The following LNX1 variants were observed in gnomAD, a reference collection of about 807,000 sequenced individuals.
LNX1 encodes E3 ubiquitin-protein ligase LNX.
A neutral mutation model predicts 68.4 loss-of-function variants in LNX1; 54 were observed. The ratio of observed to expected loss-of-function variants is 0.79; its 90% CI spans 0.63 to 0.99. The LOEUF is 0.99. Among genes scored for constraint, LNX1 ranks in the 50% least tolerant of loss-of-function variants. LNX1 has a pLI of 0.00. For synonymous variants in LNX1, 336 were observed against 350.0 expected (o/e 0.96, Z 0.45); for missense variants, 906 against 926.4 (o/e 0.98, Z 0.29).
At chr4:53,574,701 T>C (rs1323232999) in intron 1 of LNX1, among the ~76,000 whole-genome samples, 2 of 152,240 alleles carry the variant, frequency 1.3e-5, no homozygotes, top group African/African-American at 2.4e-5. Flanking sequence ...ATCCCACCAC[T>C]ATGGGCCAAT....
At chr4:53,578,900 G>A (rs1731657281) in intron 1 of LNX1, among the ~76,000 whole-genome samples, 1 of 151,538 alleles carries the variant, frequency 6.6e-6, no homozygotes, top group Non-Finnish European at 1.5e-5. Flanking sequence ...TGGCTCTAAG[G>A]GAAAGAACCA....
intron 1 of LNX1, among the ~76,000 whole-genome samples, 174 bp downstream of exon 1, chr4:53,591,214 T>G (rs566318863): frequency 6.6e-6 from 1 of 152,314 alleles, no homozygotes; most frequent in African/African-American, 2.4e-5. Context: ...ATTGTGCAAC[T>G]AGAATGTCAA....
intron 4 of LNX1, among the ~76,000 whole-genome samples, chr4:53,501,022 C>T (rs1725436658): frequency 6.6e-6 from 1 of 152,050 alleles, no homozygotes; most frequent in African/African-American, 2.4e-5. Flanking sequence ...AAGGACATAC[C>T]ATTCACACTT....
intron 2 of LNX1, among the ~76,000 whole-genome samples, chr4:53,608,954 A>G (rs1300797110): frequency 6.6e-6 from 1 of 152,144 alleles, no homozygotes; most frequent in Admixed American, 6.6e-5. Flanking sequence ...ATCAAGGCCT[A>G]TGTGAGGGTG....
At chr4:53,577,047 G>A (rs1482002294) in intron 1 of LNX1, among the ~76,000 whole-genome samples, 2 of 152,188 alleles carry the variant, frequency 1.3e-5, no homozygotes. Context: ...ACCACAGAAG[G>A]CAAAGATAGA....
At chr4:53,503,729 A>G (rs1725664628) in intron 4 of LNX1, among the ~76,000 whole-genome samples, 1 of 152,212 alleles carries the variant, frequency 6.6e-6, no homozygotes, top group African/African-American at 2.4e-5. Flanking sequence ...TTAGCCCCGA[A>G]CAAGAGAGCC....
intron 6 of LNX1, among the ~76,000 whole-genome samples, chr4:53,491,702 T>A (rs187936701): frequency 6.6e-6 from 1 of 152,296 alleles, no homozygotes; most frequent in Admixed American, 6.5e-5. Flanking sequence ...CACATAGATG[T>A]TCATAATTTG....
At chr4:53,585,540 G>T (rs1482589164) in intron 1 of LNX1, among the ~76,000 whole-genome samples, 17 of 152,162 alleles carry the variant, frequency 1.1e-4, no homozygotes, top group Admixed American at 9.8e-4. Flanking sequence ...ATGAGGTTTA[G>T]GATCTTGAGA....
rs116179143 is a variant in LNX1 at position 53,551,422 on chromosome 4, T to A, written c.380+22201A>T. On this transcript the variant is annotated intron_variant, in intron 2 of 10. Transcript: ENST00000263925. ...CTGAAACTGGTGATCAGCTTCCTAGTAAGATCTCAGGAGTTGGGTGAGTGG... is the reference window on the plus strand; with the variant it reads ...CTGAAACTGGTGATCAGCTTCCTAGAAAGATCTCAGGAGTTGGGTGAGTGG... Among the ~76,000 whole-genome samples, 612 of 152,244 alleles carry A rather than the reference T, an allele frequency of 4.0e-3. 2 individuals are homozygous for A. Among genetic ancestry groups the A allele is most frequent in the African/African-American group, 0.014 (590 of 41,570 alleles).
chr4:53,594,608 C>G (rs188022061), upstream of LNX1, among the ~76,000 whole-genome samples: 2 of 152,144 alleles, frequency 1.3e-5, no homozygotes, highest in African/African-American at 2.4e-5. Flanking sequence ...TCAGAAGGAA[C>G]TTTGGAATCT....
At position 53,496,389 on chromosome 4, in the gene LNX1, G is replaced by A. The variant is rs752450046; in HGVS notation, c.984C>T (p.Asn328=). Residue 328 remains asparagine (N), a synonymous_variant, in exon 6 of 11, where the codon AAC becomes AAT. Transcript: ENST00000263925. ...LLPGDIILKV[N]GMDISNVPHN... ...GAGGGACATTGCTGATGTCCATCCC[G>A]TTGACCTGGGGGCAGGTGGAACAAT... 5 of 1,601,580 alleles carry A rather than the reference G, an allele frequency of 3.1e-6. No individual in the cohort carries two copies. The highest frequency in any genetic ancestry group is 1.1e-5 in the South Asian group (1 of 90,016).
chr4:53,648,116 A>G lies in LNX1; in HGVS notation c.-215+4052T>C, dbSNP rs193018260. 6.6e-5 allele frequency among the ~76,000 whole-genome samples: 10 copies of G among 152,370 alleles called. No individual in the cohort carries two copies. The East Asian group carries it at 1.5e-3, about 23-fold the overall frequency. ...CTACTTTCAATTCTTTTGGGTATATACCAAGAAATTGAATTGCTGGGTCAT... is the reference window on the plus strand; with the variant it reads ...CTACTTTCAATTCTTTTGGGTATATGCCAAGAAATTGAATTGCTGGGTCAT... On this transcript the variant is annotated intron_variant, in intron 1 of 2. Coordinates refer to the LNX1 transcript ENST00000507168.
chr4:53,538,690 G>C (rs1207937160), intron 2 of LNX1, among the ~76,000 whole-genome samples: 1 of 152,204 alleles, frequency 6.6e-6, no homozygotes, highest in Non-Finnish European at 1.5e-5. Context: ...CAAAAGCTGT[G>C]ATTGAAAGAG....
chr4:53,503,313 G>C lies in LNX1; in HGVS notation c.775+4004C>G, dbSNP rs1725637646. Among the ~76,000 whole-genome samples, 4 of 152,064 alleles carry C rather than the reference G, an allele frequency of 2.6e-5. No individual in the cohort carries two copies. The South Asian group carries it at 8.3e-4, about 32-fold the overall frequency. ...ATTTTCCTTGCCCAGATCCATCAGA[G>C]GAATCACTATGTATGGCAGCTATAG... On this transcript the variant is annotated intron_variant, in intron 4 of 10. Transcript: ENST00000263925.
chr4:53,623,857 T>C (rs1253771848), intron 1 of LNX1, among the ~76,000 whole-genome samples: 1 of 152,164 alleles, frequency 6.6e-6, no homozygotes. Context: ...AGTAAATGAG[T>C]AGCAAAGCTG....
At chr4:53,484,678 C>T (rs1464392297) in intron 6 of LNX1, among the ~76,000 whole-genome samples, 4 of 152,176 alleles carry the variant, frequency 2.6e-5, no homozygotes, top group South Asian at 4.1e-4. Flanking sequence ...TATAACACTT[C>T]TTCTCAGGGC....
intron 2 of LNX1, among the ~76,000 whole-genome samples, chr4:53,532,713 C>T (rs1156821895): frequency 6.6e-6 from 1 of 152,180 alleles, no homozygotes; most frequent in Admixed American, 6.5e-5. Flanking sequence ...TTCCTGAGAG[C>T]ATTCAAATCA....
rs1180685480 is a variant in LNX1 at position 53,591,466 on chromosome 4, T to TC, written c.-166dup. The TC allele has an allele frequency of 1.0e-6, 1 of 985,556 alleles. No individual in the cohort carries two copies. The highest frequency in any genetic ancestry group is 6.2e-5 in the Admixed American group (1 of 16,260). 61.1% of individuals were successfully genotyped at this position (985,556 alleles called of 1,614,324 possible). Reference sequence around the variant, plus strand: ...ATTCCTTGTGGGTGAACCGAGCAGCTCCTTGGGCCGCCGGAGTTGTGACCA... The same window carrying TC: ...ATTCCTTGTGGGTGAACCGAGCAGCTCCCTTGGGCCGCCGGAGTTGTGACCA... On this transcript the variant is annotated 5_prime_UTR_variant, in exon 1 of 11. Transcript: ENST00000263925.
At chr4:53,531,520 G>T (rs1728023293) in intron 2 of LNX1, among the ~76,000 whole-genome samples, 1 of 152,146 alleles carries the variant, frequency 6.6e-6, no homozygotes, top group Non-Finnish European at 1.5e-5. Context: ...GACAGTAGTT[G>T]GGACAATATT....
Sources: gnomAD v4.1 joint callset for allele counts (sites outside exome capture counted in the v4.1 genomes callset) on GRCh38, gnomAD v4.1.1 for gene constraint, MANE v1.5 for transcripts, NCBI Gene and HGNC (gene_info 2026-07-23, HGNC 2026-07-21) for gene names.